The following ROCK1 variants were observed in gnomAD, a reference collection of about 807,000 sequenced individuals.
The protein encoded by ROCK1 is Rho associated coiled-coil containing protein kinase 1, also known as rho-associated protein kinase 1.
Under a neutral mutation model 196.8 loss-of-function variants are expected in ROCK1, and 36 were observed. The ratio of observed to expected loss-of-function variants is 0.18; its 90% CI spans 0.14 to 0.24. ROCK1 has a LOEUF of 0.24. Among genes scored for constraint, ROCK1 ranks in the 10% least tolerant of loss-of-function variants. The pLI is 1.00. For synonymous variants in ROCK1, 443 were observed against 515.9 expected (o/e 0.86, Z 1.91); for missense variants, 920 against 1,562.0 (o/e 0.59, Z 6.93).
rs953252045 is a variant in ROCK1, at chr18:20,948,322, T to C, written c.*3062A>G. The C allele has an allele frequency of 2.0e-5, 3 of 152,068 alleles. No individual in the cohort carries two copies. Among genetic ancestry groups the C allele is most frequent in the African/African-American group, 7.3e-5 (3 of 41,316 alleles). 9.4% of individuals were successfully genotyped at this position (152,068 alleles called of 1,614,324 possible). On this transcript the variant is annotated 3_prime_UTR_variant, in exon 33 of 33. Coordinates refer to ENST00000399799, the MANE Select transcript of ROCK1 (RefSeq NM_005406.3). ...GCAGGAAAGAAGTATTTTCAATGAA[T>C]ACTGCAGTATCAACTGAATATCCAT...
intron 16 of ROCK1, among the ~76,000 whole-genome samples, chr18:20,995,033 T>C (rs552022637): frequency 6.6e-6 from 1 of 152,284 alleles, no homozygotes; most frequent in Admixed American, 6.5e-5. Flanking sequence ...TACACTGGAC[T>C]ACATCAAATA....
At chr18:20,983,166 ATAG>A (rs771303620) in intron 20 of ROCK1, among the ~76,000 whole-genome samples, 6 of 151,600 alleles carry the variant, frequency 4.0e-5, no homozygotes, top group African/African-American at 1.5e-4. Context: ...AAAAGCAGTC[ATAG>A]GGAAGAAAAT....
intron 22 of ROCK1, among the ~76,000 whole-genome samples, chr18:20,978,701 A>T (rs1161399587): frequency 6.6e-6 from 1 of 152,200 alleles, no homozygotes; most frequent in African/African-American, 2.4e-5. Flanking sequence ...CTGAGGGAAC[A>T]TCTACAGGAC....
intron 27 of ROCK1, among the ~76,000 whole-genome samples, chr18:20,965,123 C>T (rs1260602244): frequency 6.6e-6 from 1 of 152,310 alleles, no homozygotes; most frequent in African/African-American, 2.4e-5. Flanking sequence ...AGGCGGGTGG[C>T]TCATGCCTGT....
chr18:21,097,254 A>T (rs1485765691), intron 1 of ROCK1, among the ~76,000 whole-genome samples: 2 of 152,230 alleles, frequency 1.3e-5, no homozygotes. Flanking sequence ...CTGTCCCACA[A>T]ATCCAAGAAT....
At chr18:21,045,188 G>A in intron 5 of ROCK1, 104 bp downstream of exon 5, 1 of 1,058,524 alleles carries the variant, frequency 9.4e-7, no homozygotes, top group Non-Finnish European at 1.3e-6. Flanking sequence ...GGTCACTTAT[G>A]TCATACGGAA....
intron 12 of ROCK1, among the ~76,000 whole-genome samples, chr18:21,019,534 C>T (rs1225610266): frequency 3.3e-5 from 5 of 152,006 alleles, no homozygotes; most frequent in Admixed American, 2.6e-4. Flanking sequence ...TGGCTCACAC[C>T]TGTAATCCCA....
chr18:21,110,513 C>T (rs2036741393), intron 1 of ROCK1, among the ~76,000 whole-genome samples: 1 of 152,192 alleles, frequency 6.6e-6, no homozygotes, highest in African/African-American at 2.4e-5. Context: ...GTATACATTG[C>T]AGTAACTCTG....
chr18:21,052,685 T>C (rs1279630604), intron 2 of ROCK1, among the ~76,000 whole-genome samples: 1 of 152,128 alleles, frequency 6.6e-6, no homozygotes, highest in Non-Finnish European at 1.5e-5. Flanking sequence ...ACAAACCCTA[T>C]TGTGAACTGC....
chr18:21,089,607 T>C (rs928939257), intron 1 of ROCK1, among the ~76,000 whole-genome samples: 6 of 152,296 alleles, frequency 3.9e-5, no homozygotes, highest in African/African-American at 1.4e-4. Context: ...ATATTGTAGG[T>C]TGAAAATGCA....
chr18:21,049,299 T>G, intron 3 of ROCK1, 70 bp from the exon 4 acceptor site: 1 of 1,194,524 alleles, frequency 8.4e-7, no homozygotes, highest in Non-Finnish European at 1.1e-6. Context: ...CACAGAACAA[T>G]TTACTAAGTG....
chr18:20,963,967 G>A (rs2035350078), intron 27 of ROCK1, among the ~76,000 whole-genome samples: 1 of 152,066 alleles, frequency 6.6e-6, no homozygotes. Flanking sequence ...AATTTTAGAA[G>A]GGAGATTTAA....
chr18:21,100,611 G>GAAAT lies in ROCK1; in HGVS notation c.93+10203_93+10206dup, dbSNP rs1483384222. Among the ~76,000 whole-genome samples, 14 of 151,626 alleles carry GAAAT rather than the reference G, an allele frequency of 9.2e-5. 1 individual carries two copies. The South Asian group carries it at 2.5e-3, about 27-fold the overall frequency. ...TAAAAAAAAAAAAAAGACTGAGAGCGAAATAAATAAATAAATGTTGGTTAT... is the reference window on the plus strand; with the variant it reads ...TAAAAAAAAAAAAAAGACTGAGAGCGAAATAAATAAATAAATAAATGTTGGTTAT... On this transcript the variant is annotated intron_variant, in intron 1 of 32. Coordinates refer to ENST00000399799, the MANE Select transcript of ROCK1 (RefSeq NM_005406.3).
At chr18:20,968,597 C>T (rs1598511545) in intron 25 of ROCK1, 175 bp downstream of exon 25, 13 of 557,014 alleles carry the variant, frequency 2.3e-5, no homozygotes, top group South Asian at 1.7e-4. Flanking sequence ...TGAGCCACCG[C>T]GCCTGGCCTT....
intron 1 of ROCK1, among the ~76,000 whole-genome samples, chr18:21,076,196 A>G (rs2036429540): frequency 6.6e-6 from 1 of 152,214 alleles, no homozygotes; most frequent in South Asian, 2.1e-4. Flanking sequence ...GATTAATGCC[A>G]CAGAACTATA....
In ROCK1 at chr18:21,110,956, A is replaced by C; in HGVS notation, c.-46T>G. ...GCCCTCTTACCAGCACCAGCAGCGG[A>C]AAGCAATTTCAACCAACTTCCTCCG... On this transcript the variant is annotated 5_prime_UTR_variant, in exon 1 of 33. Coordinates refer to ENST00000399799, the MANE Select transcript of ROCK1 (RefSeq NM_005406.3). 2 of 1,525,648 alleles carry C rather than the reference A, an allele frequency of 1.3e-6. No individual in the cohort carries two copies. Among genetic ancestry groups the C allele is most frequent in the Non-Finnish European group, 1.8e-6 (2 of 1,101,122 alleles). The allele number at this position is 1,525,648 out of a possible 1,614,324, so 94.5% of individuals were successfully genotyped here. A position where few individuals can be genotyped will look rare whatever the true frequency, so the allele number is the denominator to read the frequency against.
At chr18:21,110,227 A>T (rs1157460387) in intron 1 of ROCK1, among the ~76,000 whole-genome samples, 1 of 152,234 alleles carries the variant, frequency 6.6e-6, no homozygotes, top group Non-Finnish European at 1.5e-5. Flanking sequence ...TAATACAATA[A>T]AATAAGTTAA....
At chr18:21,085,090 G>A (rs1308567091) in intron 1 of ROCK1, among the ~76,000 whole-genome samples, 1 of 152,154 alleles carries the variant, frequency 6.6e-6, no homozygotes, top group Non-Finnish European at 1.5e-5. Flanking sequence ...ACCATAGGCT[G>A]GAGGGACAGG....
rs1334011623 is a variant in ROCK1, at chr18:21,070,520, A to C, written c.175+12T>G. The C allele has an allele frequency of 3.3e-6, 5 of 1,501,320 alleles. No individual in the cohort carries two copies. Among genetic ancestry groups the C allele is most frequent in the Non-Finnish European group, 4.6e-6 (5 of 1,086,098 alleles). The allele number at this position is 1,501,320 out of a possible 1,614,324, so 93.0% of individuals were successfully genotyped here. A position where few individuals can be genotyped will look rare whatever the true frequency, so the allele number is the denominator to read the frequency against. On this transcript the variant is annotated intron_variant, in intron 2 of 32. Transcript: ENST00000399799. ...TGAAGTCTGTCATTAACCTCCACAA[A>C]AAATTACTTACATCTGCTTAAAAAG... is the stretch of plus-strand genomic sequence containing the variant.
Sources: gnomAD v4.1 joint callset for allele counts (sites outside exome capture counted in the v4.1 genomes callset) on GRCh38, gnomAD v4.1.1 for gene constraint, MANE v1.5 for transcripts, NCBI Gene and HGNC (gene_info 2026-07-23, HGNC 2026-07-21) for gene names.